Variants in SLITRK4 observed in about 807,000 individuals in gnomAD.
The protein encoded by SLITRK4 is SLIT and NTRK like family member 4, also known as SLIT and NTRK-like protein 4.
A neutral mutation model predicts 34.7 loss-of-function variants in SLITRK4; 7 were observed. The ratio of observed to expected loss-of-function variants is 0.20; its 90% CI spans 0.11 to 0.38. SLITRK4 has a LOEUF of 0.38. Ranked by LOEUF, SLITRK4 falls within the 10% of genes least tolerant of loss-of-function variation. The pLI, the probability that SLITRK4 is intolerant of heterozygous loss-of-function variation, is 1.00. For synonymous variants in SLITRK4, 237 were observed against 246.2 expected, an observed-to-expected ratio of 0.96 and a Z score of 0.35; for missense variants, 474 against 607.0, an observed-to-expected ratio of 0.78 and a Z score of 2.30.
At chrX:143,631,517 C>G (rs1214535221) in intron 1 of SLITRK4, among the ~76,000 whole-genome samples, 1 of 109,104 alleles carries the variant, frequency 9.2e-6, no homozygotes, top group Non-Finnish European at 1.9e-5. Flanking sequence ...TTCAAATGAC[C>G]GAGACCATCA....
rs1930709183 is a variant in SLITRK4 at position 143,624,094 on chromosome X, TTTAC to T, written c.*4497_*4500del. On this transcript the variant is annotated 3_prime_UTR_variant, in exon 2 of 2. Transcript: ENST00000356928. ...TTCTCTCTCTCTCTCTGTTTCTGTGTTTACTTTTCTTACCATAAATATATGAACC... is the reference window on the plus strand; with the variant it reads ...TTCTCTCTCTCTCTCTGTTTCTGTGTTTTTCTTACCATAAATATATGAACC... 8.9e-6 allele frequency: 1 copy of T among 111,959 alleles called. No individual in the cohort carries two copies. Among genetic ancestry groups the T allele is most frequent in the African/African-American group, 3.2e-5 (1 of 30,888 alleles). The allele number at this position is 111,959 out of a possible 1,213,427, so 9.2% of individuals were successfully genotyped here.
chrX:143,628,464 A>G lies in SLITRK4; in HGVS notation c.*131T>C, dbSNP rs183927214. The G allele has an allele frequency of 6.3e-4, 300 of 476,367 alleles. No homozygotes were observed. In the African/African-American group the frequency reaches 6.6e-3, roughly 11 times the overall value. 39.3% of individuals were successfully genotyped at this position (476,367 alleles called of 1,213,427 possible). ...CTACTTGACACATCTTTGCAGCTAC[A>G]GTTAATGAGACACCCTTGGAAACAC... On this transcript the variant is annotated 3_prime_UTR_variant, in exon 2 of 2. Transcript: ENST00000356928.
rs782256065 is a variant in SLITRK4 at position 143,626,656 on chromosome X, A to G, written c.*1939T>C. Reference sequence around the variant, plus strand: ...CAGCTACTGCAACTATAAACATAGTATCATTTTGGAAGCTGCAACAGAAAA... The same window carrying G: ...CAGCTACTGCAACTATAAACATAGTGTCATTTTGGAAGCTGCAACAGAAAA... On this transcript the variant is annotated 3_prime_UTR_variant, in exon 2 of 2. Transcript: ENST00000356928. 54 of 108,956 alleles carry G rather than the reference A, an allele frequency of 5.0e-4. No homozygotes were observed. The highest frequency in any genetic ancestry group is 3.1e-3 in the Admixed American group (31 of 10,018). 9.0% of individuals were successfully genotyped at this position (108,956 alleles called of 1,213,427 possible). A position where few individuals can be genotyped will look rare whatever the true frequency, so the allele number is the denominator to read the frequency against.
rs1177542858 is a variant in SLITRK4 at position 143,624,058 on chromosome X, CTTAAT to C, written c.*4532_*4536del. ...TGTATACGTGTAAAGCAACAACAATCTTAATTTATATTCTCTCTCTCTCTCTGTTT... is the reference window on the plus strand; with the variant it reads ...TGTATACGTGTAAAGCAACAACAATCTTATATTCTCTCTCTCTCTCTGTTT... On this transcript the variant is annotated 3_prime_UTR_variant, in exon 2 of 2. Coordinates refer to ENST00000356928, the MANE Select transcript of SLITRK4 (RefSeq NM_001184749.3). 2.7e-5 allele frequency: 3 copies of C among 111,947 alleles called. No homozygotes were observed. Among genetic ancestry groups the C allele is most frequent in the African/African-American group, 9.7e-5 (3 of 30,852 alleles). 9.2% of individuals were successfully genotyped at this position (111,947 alleles called of 1,213,427 possible).
At chrX:143,635,022 A>AGGCGGGCC (rs1257517608) in intron 1 of SLITRK4, 4 of 108,178 alleles carry the variant, frequency 3.7e-5, no homozygotes, top group South Asian at 4.2e-4. Context: ...GCAGGCGAGC[A>AGGCGGGCC]GGCGGGCCGG....
In SLITRK4 at chrX:143,629,755, G is replaced by C; in HGVS notation, c.1354C>G (p.Gln452Glu). 3 of 1,210,643 alleles carry C rather than the reference G, an allele frequency of 2.5e-6. No individual in the cohort carries two copies. The highest frequency in any genetic ancestry group is 3.4e-6 in the Non-Finnish European group (3 of 894,545). The change falls in exon 2 of 2, where the codon CAG becomes GAG. Residue 452 changes from glutamine to glutamate, a missense_variant. This residue lies in a region of SLITRK4 where 345 missense variants were observed against 406.5 expected (regional missense o/e 0.85). Transcript: ENST00000356928. ...PEIFSGLHNL[Q>E]YLYLEYNLIK... ...AAATTGTATTCCAAATACAGATACT[G>C]CAGGTTATGAAGACCTGAAAATATT... is the stretch of plus-strand genomic sequence containing the variant.
Position 143,629,043 on chromosome X carries a change from T to C in SLITRK4, c.2066A>G (p.Gln689Arg). 3.3e-6 allele frequency: 4 copies of C among 1,212,017 alleles called. No homozygotes were observed. Among genetic ancestry groups the C allele is most frequent in the Non-Finnish European group, 4.5e-6 (4 of 895,607 alleles). ...DGLSTEAFIPQTIEQMSKSHT... is the reference protein window; with the variant it reads ...DGLSTEAFIPRTIEQMSKSHT... ...GCTCTTGCTCATCTGTTCTATAGTTTGTGGAATGAAAGCTTCTGTGCTCAG... is the reference window on the plus strand; with the variant it reads ...GCTCTTGCTCATCTGTTCTATAGTTCGTGGAATGAAAGCTTCTGTGCTCAG... Residue 689 changes from glutamine to arginine, a missense_variant, in exon 2 of 2, where the codon CAA becomes CGA. Physicochemically the swap from Gln to Arg is conservative, Grantham distance 43. Around this residue, in one of 3 missense-constraint regions of SLITRK4, gnomAD observed 345 missense variants for 406.5 expected, o/e 0.85. Transcript: ENST00000356928.
In SLITRK4 at chrX:143,630,697, C is replaced by T; in HGVS notation, c.412G>A (p.Ala138Thr). Residue 138 changes from alanine to threonine, a missense_variant, in exon 2 of 2, where the codon GCT becomes ACT. Ala to Thr is a moderately conservative substitution (Grantham distance 58). This residue lies in a region of SLITRK4 where 84 missense variants were observed against 101.3 expected (regional missense o/e 0.83). Transcript: ENST00000356928. ...ATATACTTGATTAAATTGTAGTCAG[C>T]CTGGAGATACTCCAAGTTCTCTATG... is the stretch of plus-strand genomic sequence containing the variant. ...LGIENLEYLQ[A>T]DYNLIKYIER... 2.5e-6 allele frequency: 3 copies of T among 1,210,365 alleles called. No individual in the cohort carries two copies. The highest frequency in any genetic ancestry group is 3.4e-6 in the Non-Finnish European group (3 of 895,141).
rs1449964896 is a variant in SLITRK4 at position 143,623,573 on chromosome X, A to G, written c.*5022T>C. On this transcript the variant is annotated 3_prime_UTR_variant, in exon 2 of 2. Coordinates refer to ENST00000356928, the MANE Select transcript of SLITRK4 (RefSeq NM_001184749.3). ...AACTAAAAAGACATTAAATAAATAAATAAATAAATAAATAAAACAAAATAA... is the reference window on the plus strand; with the variant it reads ...AACTAAAAAGACATTAAATAAATAAGTAAATAAATAAATAAAACAAAATAA... The G allele has an allele frequency of 9.0e-6, 1 of 111,266 alleles. No homozygotes were observed. Among genetic ancestry groups the G allele is most frequent in the Non-Finnish European group, 1.9e-5 (1 of 52,929 alleles). 9.2% of individuals were successfully genotyped at this position (111,266 alleles called of 1,213,427 possible). A position where few individuals can be genotyped will look rare whatever the true frequency, so the allele number is the denominator to read the frequency against.
rs1281932061 is a variant in SLITRK4, at chrX:143,627,511, A to G, written c.*1084T>C. On this transcript the variant is annotated 3_prime_UTR_variant, in exon 2 of 2. Transcript: ENST00000356928. Reference sequence around the variant, plus strand: ...TTGTTTTAAATTTTTTTTGTTTTTAAGTTACACCTGATCACAAAGTCCAGA... The same window carrying G: ...TTGTTTTAAATTTTTTTTGTTTTTAGGTTACACCTGATCACAAAGTCCAGA... 4.5e-5 allele frequency: 5 copies of G among 110,764 alleles called. No individual in the cohort carries two copies. Among genetic ancestry groups the G allele is most frequent in the Non-Finnish European group, 7.6e-5 (4 of 52,801 alleles). 9.1% of individuals were successfully genotyped at this position (110,764 alleles called of 1,213,427 possible).
rs1376210894 is a variant in SLITRK4, at chrX:143,624,725, C to T, written c.*3870G>A. 1 of 109,605 alleles carries T rather than the reference C, an allele frequency of 9.1e-6. No individual in the cohort carries two copies. Among genetic ancestry groups the T allele is most frequent in the Non-Finnish European group, 1.9e-5 (1 of 51,749 alleles). 9.0% of individuals were successfully genotyped at this position (109,605 alleles called of 1,213,427 possible). A position where few individuals can be genotyped will look rare whatever the true frequency, so the allele number is the denominator to read the frequency against. On this transcript the variant is annotated 3_prime_UTR_variant, in exon 2 of 2. Coordinates refer to ENST00000356928, the MANE Select transcript of SLITRK4 (RefSeq NM_001184749.3). ...GCTTCAGAAATATCATTGTAGCAAA[C>T]AATTTTATTAATACTTTCATAAAAA...
In SLITRK4 at chrX:143,630,102, A is replaced by G. The variant is rs782401434; in HGVS notation, c.1007T>C (p.Val336Ala). 2.5e-6 allele frequency: 3 copies of G among 1,210,130 alleles called. No individual in the cohort carries two copies. The highest frequency in any genetic ancestry group is 1.8e-5 in the South Asian group (1 of 56,822). Reference sequence around the variant, plus strand: ...TGCCGGGCAAGGTGTTAGAGGAGGCACCCTTGTTTGGTAAGACACAATCTG... The same window carrying G: ...TGCCGGGCAAGGTGTTAGAGGAGGCGCCCTTGTTTGGTAAGACACAATCTG... Reference protein sequence around the residue: ...LSQIVSYQTRVPPLTPCPAPC... With the variant: ...LSQIVSYQTRAPPLTPCPAPC... Residue 336 changes from valine (V) to alanine (A), a missense_variant, in exon 2 of 2, where the codon GTG becomes GCG. Around this residue, in one of 3 missense-constraint regions of SLITRK4, gnomAD observed 345 missense variants for 406.5 expected, o/e 0.85. Coordinates refer to ENST00000356928, the MANE Select transcript of SLITRK4 (RefSeq NM_001184749.3).
rs1272174289 is a variant in SLITRK4 at position 143,624,807 on chromosome X, A to G, written c.*3788T>C. ...TATTAAAAGCAAACAAAAGTCATTA[A>G]AACAGTTCTTTTCTGTGATTTACAT... On this transcript the variant is annotated 3_prime_UTR_variant, in exon 2 of 2. Transcript: ENST00000356928. 2 of 111,826 alleles carry G rather than the reference A, an allele frequency of 1.8e-5. No individual in the cohort carries two copies. Among genetic ancestry groups the G allele is most frequent in the African/African-American group, 6.5e-5 (2 of 30,930 alleles). 9.2% of individuals were successfully genotyped at this position (111,826 alleles called of 1,213,427 possible).
chrX:143,635,070 A>T (rs1931188119), intron 1 of SLITRK4: 2 of 104,422 alleles, frequency 1.9e-5, no homozygotes, highest in African/African-American at 6.9e-5. Flanking sequence ...GCACCCGAGC[A>T]GACACCGCGC....
intron 1 of SLITRK4, 132 bp downstream of exon 1, chrX:143,635,603 G>T (rs1427432239): frequency 9.1e-6 from 1 of 109,876 alleles, no homozygotes; most frequent in Non-Finnish European, 1.9e-5. Flanking sequence ...GGGGGAGGGG[G>T]GCCGAGGGAG....
rs1286181936 is a variant in SLITRK4 at position 143,624,121 on chromosome X, A to T, written c.*4474T>A. On this transcript the variant is annotated 3_prime_UTR_variant, in exon 2 of 2. Transcript: ENST00000356928. ...TACTTTTCTTACCATAAATATATGAACCTTAAACCCACTGTATTGGTCAAT... is the reference window on the plus strand; with the variant it reads ...TACTTTTCTTACCATAAATATATGATCCTTAAACCCACTGTATTGGTCAAT... The T allele has an allele frequency of 9.0e-6, 1 of 111,475 alleles. No individual in the cohort carries two copies. The highest frequency in any genetic ancestry group is 3.7e-4 in the South Asian group (1 of 2,693). 9.2% of individuals were successfully genotyped at this position (111,475 alleles called of 1,213,427 possible).
Position 143,624,287 on chromosome X carries a change from C to T in SLITRK4, c.*4308G>A. 8.9e-6 allele frequency: 1 copy of T among 111,997 alleles called. No individual in the cohort carries two copies. 9.2% of individuals were successfully genotyped at this position (111,997 alleles called of 1,213,427 possible). A position where few individuals can be genotyped will look rare whatever the true frequency, so the allele number is the denominator to read the frequency against. Reference sequence around the variant, plus strand: ...AGAACCAAATACAAATCACAATTCACTCCATAAGTGGGTAACTAACCTGTA... The same window carrying T: ...AGAACCAAATACAAATCACAATTCATTCCATAAGTGGGTAACTAACCTGTA... On this transcript the variant is annotated 3_prime_UTR_variant, in exon 2 of 2. Transcript: ENST00000356928.
intron 1 of SLITRK4, among the ~76,000 whole-genome samples, chrX:143,631,471 G>A: frequency 9.1e-6 from 1 of 109,525 alleles, no homozygotes; most frequent in South Asian, 4.0e-4. Flanking sequence ...GTCAAACTCT[G>A]CCCTTGAACA....
At chrX:143,633,303 G>T (rs1369176958) in intron 1 of SLITRK4, among the ~76,000 whole-genome samples, 1 of 111,126 alleles carries the variant, frequency 9.0e-6, no homozygotes, top group Non-Finnish European at 1.9e-5. Flanking sequence ...GAGAAAGGAA[G>T]AAAAAGAACT....
Sources: gnomAD v4.1 joint callset for allele counts (sites outside exome capture counted in the v4.1 genomes callset) on GRCh38, gnomAD v4.1.1 for gene constraint, gnomAD v4.1.1 regional missense constraint, MANE v1.5 for transcripts, NCBI Gene and HGNC (gene_info 2026-07-23, HGNC 2026-07-21) for gene names.